SPTLC3: variants seen among roughly 807,000 people sequenced by gnomAD.
SPTLC3 encodes the protein serine palmitoyltransferase 3.
In SPTLC3, 36 loss-of-function variants were observed where a neutral mutation model predicts 59.3. That is an observed-to-expected ratio of 0.61 (90% CI 0.47 to 0.80). The LOEUF (loss-of-function observed/expected upper bound fraction) is 0.80, where lower values mean the gene tolerates loss of function less well. Ranked by LOEUF, SPTLC3 falls within the 30% of genes least tolerant of loss-of-function variation. The pLI is 0.00. For synonymous variants in SPTLC3, 257 were observed against 240.8 expected (o/e 1.07, Z -0.62); for missense variants, 625 against 685.1 (o/e 0.91, Z 0.98).
At chr20:13,023,998 C>G (rs1221856752) in intron 1 of SPTLC3, among the ~76,000 whole-genome samples, 2 of 152,114 alleles carry the variant, frequency 1.3e-5, no homozygotes, top group Non-Finnish European at 2.9e-5. Flanking sequence ...TAAATGCGAT[C>G]TGTTTTCCTA....
chr20:13,104,748 T>C (rs982989409), intron 6 of SPTLC3, among the ~76,000 whole-genome samples: 2 of 152,188 alleles, frequency 1.3e-5, no homozygotes, highest in Non-Finnish European at 2.9e-5. Context: ...CACTGTACCA[T>C]AGCACCGTGT....
chr20:13,145,073 C>A (rs2038478285), intron 9 of SPTLC3, among the ~76,000 whole-genome samples: 2 of 152,110 alleles, frequency 1.3e-5, no homozygotes, highest in African/African-American at 4.8e-5. Context: ...CCGCACCTGG[C>A]CTACTATGTG....
chr20:13,038,605 T>C (rs1167164678), intron 1 of SPTLC3, among the ~76,000 whole-genome samples: 1 of 152,144 alleles, frequency 6.6e-6, no homozygotes, highest in African/African-American at 2.4e-5. Context: ...GTTAATTTTG[T>C]TGATTTATTT....
intron 6 of SPTLC3, among the ~76,000 whole-genome samples, chr20:13,108,980 A>G (rs554001453): frequency 6.6e-6 from 1 of 152,352 alleles, no homozygotes; most frequent in Non-Finnish European, 1.5e-5. Flanking sequence ...GGGAAAGCTT[A>G]GGAAATGCAA....
intron 9 of SPTLC3, among the ~76,000 whole-genome samples, chr20:13,143,444 AT>A (rs1340337096): frequency 7.9e-5 from 12 of 152,200 alleles, no homozygotes; most frequent in African/African-American, 2.2e-4. Flanking sequence ...GGGCATTATT[AT>A]TATTATCCTT....
chr20:13,065,281 TCTAAAG>T (rs1568585374), intron 2 of SPTLC3, among the ~76,000 whole-genome samples: 6 of 146,644 alleles, frequency 4.1e-5, no homozygotes, highest in Non-Finnish European at 3.0e-5. Flanking sequence ...TTTTTTTTTT[TCTAAAG>T]TGTTTCTGTG....
intron 7 of SPTLC3, among the ~76,000 whole-genome samples, chr20:13,115,502 C>A (rs1236448573): frequency 6.6e-6 from 1 of 151,452 alleles, no homozygotes. Flanking sequence ...AATTCAGTTC[C>A]AGAACAAAAA....
chr20:13,060,240 A>G (rs1367975258), intron 2 of SPTLC3, among the ~76,000 whole-genome samples: 1 of 152,190 alleles, frequency 6.6e-6, no homozygotes, highest in Non-Finnish European at 1.5e-5. Context: ...CAGTTTATAT[A>G]CAGGTAGCAA....
chr20:13,079,498 A>G (rs1163155557), intron 4 of SPTLC3, among the ~76,000 whole-genome samples: 2 of 152,230 alleles, frequency 1.3e-5, no homozygotes, highest in East Asian at 3.8e-4. Flanking sequence ...CACCACCACC[A>G]CCACCAAAAA....
chr20:13,091,623 T>C (rs2122628424), intron 5 of SPTLC3, among the ~76,000 whole-genome samples: 1 of 151,772 alleles, frequency 6.6e-6, no homozygotes, highest in African/African-American at 2.4e-5. Flanking sequence ...GTTCTTTTCG[T>C]AGGAGAAACT....
chr20:13,031,100 A>G (rs566528943), intron 1 of SPTLC3, among the ~76,000 whole-genome samples: 2 of 152,272 alleles, frequency 1.3e-5, no homozygotes, highest in Admixed American at 1.3e-4. Flanking sequence ...CAATACATGA[A>G]CAAATGGATA....
chr20:13,165,099 T>TACACACACAC lies in SPTLC3; in HGVS notation c.*245_*254dup, dbSNP rs34511643. ...CTTCTTCCAAGTATTCTACTAGAAATACACACACACACACACACACACTTC... is the reference window on the plus strand; with the variant it reads ...CTTCTTCCAAGTATTCTACTAGAAATACACACACACACACACACACACACACACACACTTC... On this transcript the variant is annotated 3_prime_UTR_variant, in exon 12 of 12. Coordinates refer to ENST00000399002, the MANE Select transcript of SPTLC3 (RefSeq NM_018327.4). The TACACACACAC allele has an allele frequency of 6.5e-4, 242 of 374,646 alleles. No individual in the cohort carries two copies. Among genetic ancestry groups the TACACACACAC allele is most frequent in the African/African-American group, 4.7e-3 (226 of 48,216 alleles). The allele number at this position is 374,646 out of a possible 1,614,324, so 23.2% of individuals were successfully genotyped here. A position where few individuals can be genotyped will look rare whatever the true frequency, so the allele number is the denominator to read the frequency against.
chr20:13,145,921 C>T (rs977132413), intron 9 of SPTLC3, among the ~76,000 whole-genome samples: 2 of 152,150 alleles, frequency 1.3e-5, no homozygotes, highest in African/African-American at 4.8e-5. Context: ...TAATCAGCAT[C>T]ATTTATTAAA....
chr20:13,146,087 A>G (rs902775925), intron 9 of SPTLC3, among the ~76,000 whole-genome samples: 3 of 152,236 alleles, frequency 2.0e-5, no homozygotes, highest in African/African-American at 7.2e-5. Flanking sequence ...ATGGAATACT[A>G]TGCAGCCATA....
chr20:13,116,323 T>C (rs1266986725), intron 7 of SPTLC3, among the ~76,000 whole-genome samples: 1 of 152,220 alleles, frequency 6.6e-6, no homozygotes. Context: ...TAAACGGTTG[T>C]TTGAATTGTT....
intron 6 of SPTLC3, among the ~76,000 whole-genome samples, chr20:13,094,956 G>A (rs1020560690): frequency 8.5e-5 from 13 of 152,174 alleles, no homozygotes; most frequent in Admixed American, 3.3e-4. Context: ...ACTCAATTTC[G>A]GCTTTAGACT....
chr20:13,080,141 G>A (rs3848771), intron 4 of SPTLC3, among the ~76,000 whole-genome samples: 41,457 of 151,958 alleles, frequency 0.27, 5,840 homozygotes, highest in Middle Eastern at 0.35. Context: ...TTAACACTTA[G>A]AGACTCTCAC....
At chr20:13,039,674 C>A (rs1220315082) in intron 1 of SPTLC3, among the ~76,000 whole-genome samples, 1 of 151,884 alleles carries the variant, frequency 6.6e-6, no homozygotes, top group Non-Finnish European at 1.5e-5. Context: ...TATCTCATGT[C>A]CTTTTTGTTT....
In SPTLC3 at chr20:13,110,156, G is replaced by A; in HGVS notation, c.871G>A (p.Gly291Ser). ...EKLLRDAVIY[G>S]QPRTRRAWKK... ...GCTCCTGAGAGATGCTGTCATCTAT[G>A]GCCAGCCTCGAACCCGCAGAGCTTG... Residue 291 changes from glycine to serine, a missense_variant, in exon 7 of 12, where the codon GGC becomes AGC. Transcript: ENST00000399002. 3 of 1,613,490 alleles carry A rather than the reference G, an allele frequency of 1.9e-6. No individual in the cohort carries two copies. The South Asian group carries it at 3.3e-5, about 18-fold the overall frequency.
Sources: gnomAD v4.1 joint callset for allele counts (sites outside exome capture counted in the v4.1 genomes callset) on GRCh38, gnomAD v4.1.1 for gene constraint, MANE v1.5 for transcripts, NCBI Gene and HGNC (gene_info 2026-07-23, HGNC 2026-07-21) for gene names.